NPAS3: variants seen among roughly 807,000 people sequenced by gnomAD.
The protein encoded by NPAS3 is neuronal PAS domain protein 3.
Under a neutral mutation model 73.1 loss-of-function variants are expected in NPAS3, and 14 were observed. The ratio of observed to expected loss-of-function variants is 0.19; its 90% CI spans 0.13 to 0.30. NPAS3 has a LOEUF of 0.30. Among genes scored for constraint, NPAS3 ranks in the 10% least tolerant of loss-of-function variants. NPAS3 has a pLI of 1.00. For synonymous variants in NPAS3, 620 were observed against 541.5 expected, an observed-to-expected ratio of 1.14 and a Z score of -2.01; for missense variants, 1,096 against 1,250.0, an observed-to-expected ratio of 0.88 and a Z score of 1.86.
chr14:33,289,452 T>C (rs933935153), intron 3 of NPAS3, among the ~76,000 whole-genome samples: 2 of 152,210 alleles, frequency 1.3e-5, no homozygotes, highest in African/African-American at 4.8e-5. Flanking sequence ...AATCTATCCT[T>C]GGCCCTTTTA....
chr14:33,033,769 C>G (rs1206892705), intron 1 of NPAS3, among the ~76,000 whole-genome samples: 1 of 152,178 alleles, frequency 6.6e-6, no homozygotes, highest in African/African-American at 2.4e-5. Context: ...GTGTCAAGCT[C>G]TGCTTATGTC....
At chr14:33,362,728 A>G (rs900458091) in intron 3 of NPAS3, among the ~76,000 whole-genome samples, 1 of 151,980 alleles carries the variant, frequency 6.6e-6, no homozygotes, top group Non-Finnish European at 1.5e-5. Flanking sequence ...CTGAGATACT[A>G]CCTGCCGAAC....
chr14:33,450,652 G>A (rs929104563), intron 4 of NPAS3, among the ~76,000 whole-genome samples: 1 of 152,164 alleles, frequency 6.6e-6, no homozygotes, highest in Admixed American at 6.5e-5. Flanking sequence ...GAGTTGTACT[G>A]TATGTTAGAG....
chr14:33,624,344 T>C (rs1182837792), intron 5 of NPAS3, among the ~76,000 whole-genome samples: 2 of 152,220 alleles, frequency 1.3e-5, no homozygotes, highest in African/African-American at 4.8e-5. Context: ...CTCCCGAAGT[T>C]GTGTTGCATT....
chr14:33,553,239 C>G (rs770724188), intron 4 of NPAS3, among the ~76,000 whole-genome samples: 1 of 152,188 alleles, frequency 6.6e-6, no homozygotes, highest in African/African-American at 2.4e-5. Flanking sequence ...CACAGCTCCC[C>G]CAAAATGGAA....
chr14:32,993,486 G>C (rs1246435731), intron 1 of NPAS3, among the ~76,000 whole-genome samples: 1 of 152,090 alleles, frequency 6.6e-6, no homozygotes, highest in Non-Finnish European at 1.5e-5. Flanking sequence ...AAGGTGGTGA[G>C]AAATTGAGGA....
chr14:33,360,596 G>A (rs973605591), intron 3 of NPAS3, among the ~76,000 whole-genome samples: 18 of 152,202 alleles, frequency 1.2e-4, no homozygotes, highest in Middle Eastern at 3.4e-3. Flanking sequence ...GGAAAGCCTT[G>A]GATGTTTTTT....
intron 2 of NPAS3, among the ~76,000 whole-genome samples, chr14:33,068,634 G>A (rs908270357): frequency 1.3e-5 from 2 of 152,228 alleles, no homozygotes; most frequent in South Asian, 4.1e-4. Flanking sequence ...AGTCAGTGCA[G>A]TGGAACAAAA....
At chr14:33,373,444 C>G (rs2046183576) in intron 4 of NPAS3, among the ~76,000 whole-genome samples, 1 of 150,186 alleles carries the variant, frequency 6.7e-6, no homozygotes, top group South Asian at 2.1e-4. Flanking sequence ...AAAATACATG[C>G]CATTACTAAG....
intron 6 of NPAS3, among the ~76,000 whole-genome samples, chr14:33,731,489 C>T (rs2061401159): frequency 6.6e-6 from 1 of 151,064 alleles, no homozygotes; most frequent in East Asian, 1.9e-4. Context: ...TGGCTTCATA[C>T]TCCTACAGAG....
intron 3 of NPAS3, among the ~76,000 whole-genome samples, chr14:33,308,510 T>TTATATATATATATA (rs67518761): frequency 2.8e-4 from 23 of 83,516 alleles, no homozygotes; most frequent in African/African-American, 1.2e-3. Context: ...ATTGCATAGT[T>TTATATATATATATA]TATATATATA....
At chr14:33,113,447 C>T (rs2042962283) in intron 2 of NPAS3, among the ~76,000 whole-genome samples, 1 of 152,150 alleles carries the variant, frequency 6.6e-6, no homozygotes, top group Admixed American at 6.5e-5. Context: ...ATGGGAGTCA[C>T]TCATGATTTG....
intron 2 of NPAS3, among the ~76,000 whole-genome samples, chr14:33,056,665 A>T (rs2040900225): frequency 6.6e-6 from 1 of 152,204 alleles, no homozygotes; most frequent in Admixed American, 6.5e-5. Context: ...TGGCATTTTA[A>T]TATATCATAG....
chr14:33,085,104 C>T (rs1024795121), intron 2 of NPAS3, among the ~76,000 whole-genome samples: 3 of 152,144 alleles, frequency 2.0e-5, no homozygotes, highest in Non-Finnish European at 2.9e-5. Context: ...TCTGGGCTTC[C>T]TTCTCCCTTA....
At chr14:33,251,556 C>T (rs61972691) in intron 3 of NPAS3, among the ~76,000 whole-genome samples, 35,210 of 151,908 alleles carry the variant, frequency 0.23, 4,406 homozygotes, top group Non-Finnish European at 0.28. Flanking sequence ...CATCTGCGTC[C>T]TTAATCCAAC....
At chr14:33,119,285 T>C (rs970083092) in intron 2 of NPAS3, among the ~76,000 whole-genome samples, 8 of 152,234 alleles carry the variant, frequency 5.3e-5, no homozygotes, top group Middle Eastern at 3.4e-3. Flanking sequence ...TTGTTTTTTT[T>C]CCACTGCCGT....
At chr14:33,551,926 T>C (rs1236546274) in intron 4 of NPAS3, among the ~76,000 whole-genome samples, 1 of 152,226 alleles carries the variant, frequency 6.6e-6, no homozygotes, top group Admixed American at 6.5e-5. Flanking sequence ...GTCCCCACTG[T>C]GTATTCAGGG....
intron 4 of NPAS3, among the ~76,000 whole-genome samples, chr14:33,458,866 A>G (rs944352221): frequency 6.6e-6 from 1 of 152,316 alleles, no homozygotes; most frequent in East Asian, 1.9e-4. Flanking sequence ...ACCCCAAGAG[A>G]GGGTTCTTGG....
At chr14:33,428,316 T>G (rs1161530225) in intron 4 of NPAS3, among the ~76,000 whole-genome samples, 1 of 152,098 alleles carries the variant, frequency 6.6e-6, no homozygotes, top group Non-Finnish European at 1.5e-5. Flanking sequence ...TTTCATAGTA[T>G]TATTAGAATT....
Sources: gnomAD v4.1 joint callset for allele counts (sites outside exome capture counted in the v4.1 genomes callset) on GRCh38, gnomAD v4.1.1 for gene constraint, MANE v1.5 for transcripts, NCBI Gene and HGNC (gene_info 2026-07-23, HGNC 2026-07-21) for gene names.